Variants in KDM6A observed in about 807,000 individuals in gnomAD.
The protein encoded by KDM6A is lysine-specific demethylase 6A.
In KDM6A, 11 loss-of-function variants were observed where a neutral mutation model predicts 117.6. The observed-to-expected ratio is 0.09, with a 90% CI of 0.06 to 0.15. KDM6A has a LOEUF of 0.15. KDM6A is among the 10% of genes least tolerant of loss of function. KDM6A has a pLI of 1.00. For missense variants in KDM6A, 799 were observed against 1,077.3 expected, an observed-to-expected ratio of 0.74 and a Z score of 3.62; for synonymous variants, 384 against 396.1, an observed-to-expected ratio of 0.97 and a Z score of 0.36.
intron 6 of KDM6A, among the ~76,000 whole-genome samples, chrX:45,027,698 A>G (rs1233355418): frequency 9.0e-6 from 1 of 111,691 alleles, no homozygotes; most frequent in Non-Finnish European, 1.9e-5. Flanking sequence ...GAAAGGATCT[A>G]CAGAGTATTG....
chrX:45,041,727 A>G (rs1429423061), intron 8 of KDM6A, among the ~76,000 whole-genome samples: 1 of 101,874 alleles, frequency 9.8e-6, no homozygotes, highest in Non-Finnish European at 2.0e-5. Context: ...CGCTTCCTAG[A>G]TGGGATGGCG....
chrX:44,941,595 C>A (rs1459813538), intron 2 of KDM6A, among the ~76,000 whole-genome samples: 1 of 108,813 alleles, frequency 9.2e-6, no homozygotes, highest in Non-Finnish European at 1.9e-5. Context: ...ATTCTCCTGC[C>A]CCAGCCTCCC....
intron 21 of KDM6A, among the ~76,000 whole-genome samples, chrX:45,080,522 G>A (rs949987907): frequency 9.0e-6 from 1 of 111,721 alleles, no homozygotes; most frequent in Non-Finnish European, 1.9e-5. Context: ...TCCTACCACT[G>A]ACAGTATGTG....
intron 4 of KDM6A, among the ~76,000 whole-genome samples, chrX:44,987,495 C>G (rs1162478660): frequency 9.0e-6 from 1 of 111,658 alleles, no homozygotes; most frequent in Non-Finnish European, 1.9e-5. Context: ...GCAGTTTCTT[C>G]CTAGCCTTGA....
chrX:44,925,552 G>A (rs2036251247), intron 2 of KDM6A, among the ~76,000 whole-genome samples: 1 of 111,971 alleles, frequency 8.9e-6, no homozygotes, highest in South Asian at 3.7e-4. Flanking sequence ...TGCTTATGCA[G>A]AGTACTTTTT....
intron 4 of KDM6A, among the ~76,000 whole-genome samples, chrX:45,005,124 A>G (rs938221534): frequency 1.8e-5 from 2 of 110,532 alleles, no homozygotes; most frequent in African/African-American, 3.3e-5. Flanking sequence ...ACATTGTTCT[A>G]CCTCACGCTG....
At chrX:45,065,516 A>G (rs1228969196) in intron 17 of KDM6A, among the ~76,000 whole-genome samples, 2 of 111,904 alleles carry the variant, frequency 1.8e-5, no homozygotes, top group South Asian at 3.7e-4. Flanking sequence ...TGGTATGACC[A>G]TTTTAGAGAT....
intron 2 of KDM6A, among the ~76,000 whole-genome samples, chrX:44,907,008 A>T (rs1174979185): frequency 9.0e-6 from 1 of 110,785 alleles, no homozygotes; most frequent in East Asian, 2.8e-4. Context: ...TTTTCCTACT[A>T]TGGAAGGTAA....
chrX:44,996,624 A>G (rs2040873702), intron 4 of KDM6A, among the ~76,000 whole-genome samples: 2 of 110,539 alleles, frequency 1.8e-5, no homozygotes, highest in South Asian at 7.9e-4. Context: ...TTAACTGTAA[A>G]TGTTCTTTTA....
At chrX:44,952,306 T>C (rs1194374265) in intron 2 of KDM6A, among the ~76,000 whole-genome samples, 1 of 104,114 alleles carries the variant, frequency 9.6e-6, no homozygotes, top group African/African-American at 3.7e-5. Context: ...AGTTTTGCTG[T>C]CATTGCCCAG....
chrX:44,932,787 A>G (rs1294497285), intron 2 of KDM6A, among the ~76,000 whole-genome samples: 1 of 111,731 alleles, frequency 9.0e-6, no homozygotes, highest in Non-Finnish European at 1.9e-5. Flanking sequence ...GAGTGGTTCT[A>G]TGAGACTTAT....
At chrX:45,033,254 AAT>A (rs1214051912) in intron 6 of KDM6A, among the ~76,000 whole-genome samples, 2 of 112,247 alleles carry the variant, frequency 1.8e-5, no homozygotes, top group Non-Finnish European at 3.8e-5. Context: ...AACGTTTTAA[AAT>A]AGTCTGTTCT....
At chrX:44,893,447 GT>G (rs1185185386) in intron 2 of KDM6A, among the ~76,000 whole-genome samples, 1 of 108,123 alleles carries the variant, frequency 9.2e-6, no homozygotes, top group African/African-American at 3.4e-5. Context: ...TTGTTAGTAT[GT>G]AAATTTTTGT....
At chrX:44,970,141 G>A (rs991020255) in intron 3 of KDM6A, among the ~76,000 whole-genome samples, 1 of 111,954 alleles carries the variant, frequency 8.9e-6, no homozygotes, top group Non-Finnish European at 1.9e-5. Context: ...AAAATAAGAT[G>A]CTAAGCATAA....
Position 45,075,372 on chromosome X carries a change from C to T in KDM6A, c.2859-1325C>T, listed in dbSNP as rs146953040. 5.5e-3 allele frequency among the ~76,000 whole-genome samples: 618 copies of T among 111,494 alleles called. 2 individuals are homozygous for T. The highest frequency in any genetic ancestry group is 0.019 in the African/African-American group (579 of 30,826). On this transcript the variant is annotated intron_variant, in intron 18 of 29. Transcript: ENST00000611820. Reference sequence around the variant, plus strand: ...AAGTGTATATCTGTCTTTAAATGTACAAGGCACATGTGCTTTGTGGAAAGA... The same window carrying T: ...AAGTGTATATCTGTCTTTAAATGTATAAGGCACATGTGCTTTGTGGAAAGA...
At position 45,011,567 on chromosome X, in the gene KDM6A, G is replaced by A. The variant is rs188724494; in HGVS notation, c.443+548G>A. 4.0e-4 allele frequency among the ~76,000 whole-genome samples: 45 copies of A among 111,301 alleles called. No homozygotes were observed. The East Asian group carries it at 0.012, about 29-fold the overall frequency. ...AGTAATATATAAGATTTTCTAAACT[G>A]TAAAGTGAAGTACCCTGTAATATTA... is the stretch of plus-strand genomic sequence containing the variant. On this transcript the variant is annotated intron_variant, in intron 5 of 29. Coordinates refer to ENST00000611820, the MANE Select transcript of KDM6A (RefSeq NM_001291415.2).
chrX:44,888,000 AAAACAAAC>A (rs201802652), intron 2 of KDM6A, among the ~76,000 whole-genome samples: 1 of 111,166 alleles, frequency 9.0e-6, no homozygotes, highest in African/African-American at 3.3e-5. Context: ...GTCTCTTTAA[AAAACAAAC>A]AAACAAACAA....
rs761811019 is a variant in KDM6A at position 44,940,801 on chromosome X, C to G, written c.226-20483C>G. ...CTGTAATTCCAGCACTTTGGGAGGC[C>G]GAGGTGGGCGGATCACCTGCGGTCG... On this transcript the variant is annotated intron_variant, in intron 2 of 29. Coordinates refer to ENST00000611820, the MANE Select transcript of KDM6A (RefSeq NM_001291415.2). 2.7e-5 allele frequency among the ~76,000 whole-genome samples: 3 copies of G among 111,497 alleles called. 1 individual carries two copies. The South Asian group carries it at 1.1e-3, about 42-fold the overall frequency.
chrX:44,981,689 G>A (rs1421306452), intron 4 of KDM6A, among the ~76,000 whole-genome samples: 1 of 111,515 alleles, frequency 9.0e-6, no homozygotes, highest in South Asian at 3.8e-4. Context: ...CCATCCTGAA[G>A]CTACATAGGG....
Sources: gnomAD v4.1 joint callset for allele counts (sites outside exome capture counted in the v4.1 genomes callset) on GRCh38, gnomAD v4.1.1 for gene constraint, MANE v1.5 for transcripts, NCBI Gene and HGNC (gene_info 2026-07-23, HGNC 2026-07-21) for gene names.